The following OR10A2 variants were observed in gnomAD, a reference collection of about 807,000 sequenced individuals.
OR10A2 encodes the protein olfactory receptor family 10 subfamily A member 2.
In OR10A2, 15 loss-of-function variants were observed where a neutral mutation model predicts 13.7. The observed-to-expected ratio is 1.10, with a 90% CI of 0.73 to 1.69. The LOEUF is 1.69. Among genes scored for constraint, OR10A2 ranks in the 40% most tolerant of loss-of-function variants. OR10A2 has a pLI of 0.00. For missense variants in OR10A2, 343 were observed against 361.1 expected (o/e 0.95, Z 0.41); for synonymous variants, 145 against 144.7 (o/e 1.00, Z -0.02).
chr11:6,867,980 G>A (rs866195377), intron 1 of OR10A2, among the ~76,000 whole-genome samples: 3 of 151,442 alleles, frequency 2.0e-5, no homozygotes, highest in Non-Finnish European at 4.4e-5. Flanking sequence ...AAACTCCTAG[G>A]CTCAAGTGAT....
chr11:6,865,999 T>C (rs562854159), intron 1 of OR10A2, among the ~76,000 whole-genome samples: 89 of 152,330 alleles, frequency 5.8e-4, no homozygotes, highest in African/African-American at 2.1e-3. Context: ...AAATGTTATG[T>C]AAGTGGAATA....
At position 6,871,548 on chromosome 11, in the gene OR10A2, T is replaced by G. The variant is rs971243691; in HGVS notation, c.*882T>G. ...ATCAAAAGTTCACATGCATATGCCT[T>G]TATAACCCCAATAATTATTTCCTTC... On this transcript the variant is annotated 3_prime_UTR_variant, in exon 2 of 2. Coordinates refer to ENST00000641461, the MANE Select transcript of OR10A2 (RefSeq NM_001004460.2). 3 of 152,206 alleles carry G rather than the reference T, an allele frequency of 2.0e-5. No individual in the cohort carries two copies. Among genetic ancestry groups the G allele is most frequent in the Non-Finnish European group, 4.4e-5 (3 of 68,032 alleles). 9.4% of individuals were successfully genotyped at this position (152,206 alleles called of 1,614,324 possible).
chr11:6,868,068 A>G (rs887467612), intron 1 of OR10A2, among the ~76,000 whole-genome samples: 3 of 152,150 alleles, frequency 2.0e-5, no homozygotes, highest in Non-Finnish European at 4.4e-5. Flanking sequence ...AAGAGTTTCT[A>G]GTTGAGATGA....
At chr11:6,868,122 C>T (rs777882142) in intron 1 of OR10A2, among the ~76,000 whole-genome samples, 5 of 152,166 alleles carry the variant, frequency 3.3e-5, no homozygotes, top group Non-Finnish European at 7.4e-5. Context: ...TTTAAACTTA[C>T]ATTTGTTTTT....
At chr11:6,864,925 T>C (rs1319227127) in intron 1 of OR10A2, among the ~76,000 whole-genome samples, 2 of 147,200 alleles carry the variant, frequency 1.4e-5, no homozygotes, top group Non-Finnish European at 3.0e-5. Flanking sequence ...CTTATATATA[T>C]AAATATATAT....
chr11:6,866,346 T>A (rs1848378205), intron 1 of OR10A2, among the ~76,000 whole-genome samples: 1 of 152,066 alleles, frequency 6.6e-6, no homozygotes, highest in Admixed American at 6.5e-5. Flanking sequence ...CCCTGCGGGC[T>A]GCATGCAGAC....
rs1203200568 is a variant in OR10A2, at chr11:6,871,691, T to G, written c.*1025T>G. The G allele has an allele frequency of 3.3e-5, 5 of 152,228 alleles. No individual in the cohort carries two copies. Among genetic ancestry groups the G allele is most frequent in the Non-Finnish European group, 5.9e-5 (4 of 68,044 alleles). 9.4% of individuals were successfully genotyped at this position (152,228 alleles called of 1,614,324 possible). ...AATTTCAGTCATAGCTTTGCTTTGA[T>G]GAGAACAAAGCTCCAGAATAAGTCT... is the stretch of plus-strand genomic sequence containing the variant. On this transcript the variant is annotated 3_prime_UTR_variant, in exon 2 of 2. Transcript: ENST00000641461.
chr11:6,864,803 G>A (rs1272015033), intron 1 of OR10A2, among the ~76,000 whole-genome samples: 1 of 151,734 alleles, frequency 6.6e-6, no homozygotes, highest in Non-Finnish European at 1.5e-5. Context: ...CATTTCGGGT[G>A]TAGCTTAAGT....
rs565629352 is a variant in OR10A2, at chr11:6,869,857, G to T, written c.103G>T (p.Val35Phe). ...GATGGGAAACTGCCTCATCATTCTG[G>T]TTACCCTAGCTGACCCCATGCTACA... is the stretch of plus-strand genomic sequence containing the variant. The part of the protein sequence containing the change: ...TLMGNCLIIL[V>F]TLADPMLHSP... Residue 35 changes from valine to phenylalanine, a missense_variant, in exon 2 of 2, where the codon GTT becomes TTT. By Grantham distance (50) the Val-to-Phe change is conservative. Transcript: ENST00000641461. The T allele has an allele frequency of 1.7e-5, 28 of 1,614,054 alleles. No homozygotes were observed. In the Middle Eastern group the frequency reaches 4.9e-4, roughly 29 times the overall value.
rs900506227 is a variant in OR10A2 at position 6,871,284 on chromosome 11, T to C, written c.*618T>C. The C allele has an allele frequency of 6.6e-6, 1 of 152,264 alleles. No homozygotes were observed. Among genetic ancestry groups the C allele is most frequent in the Non-Finnish European group, 1.5e-5 (1 of 68,096 alleles). The allele number at this position is 152,264 out of a possible 1,614,324, so 9.4% of individuals were successfully genotyped here. The stretch of plus-strand genomic sequence containing the variant: ...TCTGTGTGACGTGCATTGTGCACAA[T>C]ATGAAACTGCTAGTCATTATAACAT... On this transcript the variant is annotated 3_prime_UTR_variant, in exon 2 of 2. Coordinates refer to ENST00000641461, the MANE Select transcript of OR10A2 (RefSeq NM_001004460.2).
rs1848443822 is a variant in OR10A2, at chr11:6,872,467, T to G, written c.*1801T>G. ...TCTGTAACTCTTCAAAAATAAGAAT[T>G]GTTCAAGTGTTTCTGGTGTTTTGTT... On this transcript the variant is annotated 3_prime_UTR_variant, in exon 2 of 2. Transcript: ENST00000641461. The G allele has an allele frequency of 6.6e-6, 1 of 152,216 alleles. No individual in the cohort carries two copies. Among genetic ancestry groups the G allele is most frequent in the Non-Finnish European group, 1.5e-5 (1 of 68,036 alleles). 9.4% of individuals were successfully genotyped at this position (152,216 alleles called of 1,614,324 possible).
rs765583322 is a variant in OR10A2, at chr11:6,870,380, C to T, written c.626C>T (p.Ala209Val). ...LLILCSYTHIAAAILKIPSAK... is the reference protein window; with the variant it reads ...LLILCSYTHIVAAILKIPSAK... ...ATCTTGTGTTCCTATACTCACATTGCTGCTGCCATCCTCAAGATCCCATCA... is the reference window on the plus strand; with the variant it reads ...ATCTTGTGTTCCTATACTCACATTGTTGCTGCCATCCTCAAGATCCCATCA... Residue 209 changes from alanine (A) to valine (V), a missense_variant, in exon 2 of 2, where the codon GCT becomes GTT. Ala to Val is a moderately conservative substitution (Grantham distance 64). Transcript: ENST00000641461. The T allele has an allele frequency of 1.9e-6, 3 of 1,614,176 alleles. No homozygotes were observed. The highest frequency in any genetic ancestry group is 2.5e-6 in the Non-Finnish European group (3 of 1,180,018).
In OR10A2 at chr11:6,871,704, C is replaced by T. The variant is rs892839187; in HGVS notation, c.*1038C>T. On this transcript the variant is annotated 3_prime_UTR_variant, in exon 2 of 2. Transcript: ENST00000641461. ...GCTTTGCTTTGATGAGAACAAAGCT[C>T]CAGAATAAGTCTTCTTTAACCACAA... 19 of 152,156 alleles carry T rather than the reference C, an allele frequency of 1.2e-4. No individual in the cohort carries two copies. Among genetic ancestry groups the T allele is most frequent in the African/African-American group, 4.6e-4 (19 of 41,434 alleles). 9.4% of individuals were successfully genotyped at this position (152,156 alleles called of 1,614,324 possible). A position where few individuals can be genotyped will look rare whatever the true frequency, so the allele number is the denominator to read the frequency against.
intron 1 of OR10A2, among the ~76,000 whole-genome samples, chr11:6,866,001 A>T (rs1177542315): frequency 6.6e-6 from 1 of 152,200 alleles, no homozygotes; most frequent in African/African-American, 2.4e-5. Context: ...ATGTTATGTA[A>T]GTGGAATAAT....
intron 1 of OR10A2, among the ~76,000 whole-genome samples, chr11:6,864,094 C>T (rs1158214886): frequency 2.6e-5 from 4 of 152,138 alleles, no homozygotes; most frequent in Non-Finnish European, 5.9e-5. Flanking sequence ...GAGGAACTGG[C>T]AAGAACGCTG....
At chr11:6,864,515 A>G (rs185223732) in intron 1 of OR10A2, among the ~76,000 whole-genome samples, 113 of 152,300 alleles carry the variant, frequency 7.4e-4, no homozygotes, top group Middle Eastern at 3.4e-3. Flanking sequence ...AGAGTGACAT[A>G]TATATTGGTA....
intron 1 of OR10A2, among the ~76,000 whole-genome samples, chr11:6,866,879 G>A (rs12278894): frequency 2.0e-5 from 3 of 151,978 alleles, no homozygotes; most frequent in Non-Finnish European, 4.4e-5. Context: ...TCTTCCATTA[G>A]ATCAGAGACA....
chr11:6,867,666 A>G (rs761168009), intron 1 of OR10A2, among the ~76,000 whole-genome samples: 8 of 152,184 alleles, frequency 5.3e-5, no homozygotes, highest in Non-Finnish European at 1.0e-4. Flanking sequence ...TTTTGTCTTC[A>G]TATCTCCCAT....
At position 6,870,374 on chromosome 11, in the gene OR10A2, A is replaced by G. The variant is rs10839631; in HGVS notation, c.620A>G (p.His207Arg). ...PCLLILCSYT[H>R]IAAAILKIPS... ...TTGCTGATCTTGTGTTCCTATACTCACATTGCTGCTGCCATCCTCAAGATC... is the reference window on the plus strand; with the variant it reads ...TTGCTGATCTTGTGTTCCTATACTCGCATTGCTGCTGCCATCCTCAAGATC... Residue 207 changes from histidine (H) to arginine (R), a missense_variant, in exon 2 of 2, where the codon CAC (histidine) becomes CGC (arginine). By Grantham distance (29) the His-to-Arg change is conservative. Coordinates refer to ENST00000641461, the MANE Select transcript of OR10A2 (RefSeq NM_001004460.2). 0.37 allele frequency: 593,661 copies of G among 1,613,372 alleles called. 111,124 individuals are homozygous for G. Among genetic ancestry groups the G allele is most frequent in the South Asian group, 0.4 (36,286 of 91,056 alleles).
Sources: gnomAD v4.1 joint callset for allele counts (sites outside exome capture counted in the v4.1 genomes callset) on GRCh38, gnomAD v4.1.1 for gene constraint, MANE v1.5 for transcripts, NCBI Gene and HGNC (gene_info 2026-07-23, HGNC 2026-07-21) for gene names.